The following RGS9 variants were observed in gnomAD, a reference collection of about 807,000 sequenced individuals.
The protein encoded by RGS9 is regulator of G protein signaling 9.
Under a neutral mutation model 102.0 loss-of-function variants are expected in RGS9, and 78 were observed. The observed-to-expected ratio is 0.76, with a 90% confidence interval of 0.64 to 0.92. RGS9 has a LOEUF of 0.92. RGS9 is among the 40% of genes least tolerant of loss of function. The pLI, the probability that RGS9 is intolerant of heterozygous loss-of-function variation, is 0.00. For synonymous variants in RGS9, 353 were observed against 318.6 expected (o/e 1.11, Z -1.15); for missense variants, 833 against 866.1 (o/e 0.96, Z 0.48).
In RGS9 at chr17:65,190,212, T is replaced by A; in HGVS notation, c.722T>A (p.Val241Glu). 1 of 1,613,824 alleles carries A rather than the reference T, an allele frequency of 6.2e-7. No homozygotes were observed. The highest frequency in any genetic ancestry group is 8.5e-7 in the Non-Finnish European group (1 of 1,179,666). The change falls in exon 11 of 19, where the codon GTG becomes GAG. Residue 241 changes from valine (V) to glutamate (E), a missense_variant. Val to Glu is a moderately radical substitution (Grantham distance 121). This residue lies in a region of RGS9 where 328 missense variants were observed against 340.6 expected (regional missense o/e 0.96). Transcript: ENST00000262406. The stretch of plus-strand genomic sequence containing the variant: ...CAACAGGCCTTGATGAGGTCCACAG[T>A]GAAGTCTTCTGTGTCCCTGGGAGGG... ...YYQQALMRST[V>E]KSSVSLGGIV...
chr17:65,190,140 G>A (rs1389428407), intron 10 of RGS9, 35 bp from the exon 11 acceptor site: 3 of 1,540,230 alleles, frequency 1.9e-6, no homozygotes, highest in Non-Finnish European at 2.7e-6. Context: ...GGTGGGAGGG[G>A]GTTGAATACC....
intron 2 of RGS9, among the ~76,000 whole-genome samples, chr17:65,157,909 GTGTGTGTGTA>G (rs1910826733): frequency 6.6e-6 from 1 of 151,916 alleles, no homozygotes; most frequent in African/African-American, 2.4e-5. Context: ...GGTCTGTTTT[GTGTGTGTGTA>G]TGTGTGTGTG....
intron 1 of RGS9, among the ~76,000 whole-genome samples, chr17:65,141,120 T>A (rs762042556): frequency 3.3e-5 from 5 of 152,244 alleles, no homozygotes; most frequent in Non-Finnish European, 5.9e-5. Flanking sequence ...TGGGTCGGGA[T>A]GCCCGCCGGC....
chr17:65,210,221 G>A (rs1598618412), intron 16 of RGS9, among the ~76,000 whole-genome samples: 1 of 152,202 alleles, frequency 6.6e-6, no homozygotes, highest in Non-Finnish European at 1.5e-5. Flanking sequence ...TCTACATACT[G>A]TAGAAGTTCA....
intron 13 of RGS9, among the ~76,000 whole-genome samples, chr17:65,200,228 C>T (rs541203894): frequency 2.0e-5 from 3 of 152,202 alleles, no homozygotes; most frequent in East Asian, 3.9e-4. Context: ...GACAGGGTTT[C>T]ACCATGTTTG....
chr17:65,190,195 C>CA lies in RGS9; in HGVS notation c.705_706insA (p.Leu236IlefsTer20), dbSNP rs760659405. The CA allele has an allele frequency of 6.2e-7, 1 of 1,613,612 alleles. No individual in the cohort carries two copies. Among genetic ancestry groups the CA allele is most frequent in the Non-Finnish European group, 8.5e-7 (1 of 1,179,662 alleles). ...TCCAGATCATGTATTACCAACAGGC[C>CA]TTGATGAGGTCCACAGTGAAGTCTT... On this transcript the variant is annotated frameshift_variant, in exon 11 of 19. Coordinates refer to ENST00000262406, the MANE Select transcript of RGS9 (RefSeq NM_003835.4). LOFTEE classifies it high-confidence loss of function.
intron 9 of RGS9, among the ~76,000 whole-genome samples, chr17:65,180,526 T>C (rs1288437941): frequency 1.3e-5 from 2 of 152,152 alleles, no homozygotes; most frequent in Admixed American, 6.5e-5. Flanking sequence ...TTTTTCATAT[T>C]TTTAGTACAG....
intron 1 of RGS9, among the ~76,000 whole-genome samples, chr17:65,151,550 T>C (rs911982047): frequency 1.3e-5 from 2 of 152,196 alleles, no homozygotes; most frequent in African/African-American, 2.4e-5. Context: ...ATGGCTCTAA[T>C]TCATATCTCT....
At chr17:65,146,520 G>A (rs569092055) in intron 1 of RGS9, among the ~76,000 whole-genome samples, 20 of 151,202 alleles carry the variant, frequency 1.3e-4, no homozygotes, top group Admixed American at 9.9e-4. Flanking sequence ...CCTGGGAGGC[G>A]GAGGTTGCAA....
intron 13 of RGS9, among the ~76,000 whole-genome samples, chr17:65,200,446 G>A (rs750944419): frequency 1.3e-5 from 2 of 152,146 alleles, no homozygotes; most frequent in Non-Finnish European, 2.9e-5. Flanking sequence ...TGGCTATCAC[G>A]AATAATTGCT....
At chr17:65,146,325 C>T (rs143471159) in intron 1 of RGS9, among the ~76,000 whole-genome samples, 2,028 of 152,302 alleles carry the variant, frequency 0.013, 49 homozygotes, top group African/African-American at 0.046. Context: ...CGTGGTGGCT[C>T]ACGCCTGTAA....
chr17:65,168,572 G>A (rs1911289555), intron 8 of RGS9, among the ~76,000 whole-genome samples: 1 of 127,716 alleles, frequency 7.8e-6, no homozygotes, highest in Admixed American at 8.9e-5. Context: ...TTTTTTGCTA[G>A]GATATCATAC....
At chr17:65,207,898 CTGT>C (rs775686354) in intron 15 of RGS9, 21 bp from the exon 16 acceptor site, 130 of 1,541,674 alleles carry the variant, frequency 8.4e-5, no homozygotes, top group Non-Finnish European at 1.1e-4. Context: ...CTCATAATTA[CTGT>C]TGTTTTCTTG....
At position 65,225,281 on chromosome 17, in the gene RGS9, A is replaced by T; in HGVS notation, c.1687A>T (p.Thr563Ser). 1 of 1,606,220 alleles carries T rather than the reference A, an allele frequency of 6.2e-7. No individual in the cohort carries two copies. Among genetic ancestry groups the T allele is most frequent in the African/African-American group, 1.4e-5 (1 of 73,840 alleles). The change falls in exon 18 of 19, where the codon ACC becomes TCC. Residue 563 changes from threonine (T) to serine (S), a missense_variant. Physicochemically the swap from Thr to Ser is moderately conservative, Grantham distance 58. Around this residue, in one of 3 missense-constraint regions of RGS9, gnomAD observed 320 missense variants for 276.8 expected, o/e 1.16. Coordinates refer to ENST00000262406, the MANE Select transcript of RGS9 (RefSeq NM_003835.4). ...CGAGAGCAGCGAGGCCTCCCTCGAC[A>T]CCTCCTGGCCTCGCAGCCGGCCCAG... Reference protein sequence around the residue: ...VTESSEASLDTSWPRSRPRAP... With the variant: ...VTESSEASLDSSWPRSRPRAP...
intron 13 of RGS9, among the ~76,000 whole-genome samples, chr17:65,201,386 C>G (rs9890087): frequency 0.2 from 30,252 of 152,136 alleles, 5,050 homozygotes; most frequent in African/African-American, 0.43. Flanking sequence ...CTTGAACAGC[C>G]TCTCTGTAAG....
At chr17:65,190,489 A>G (rs1449372570) in intron 11 of RGS9, among the ~76,000 whole-genome samples, 2 of 152,154 alleles carry the variant, frequency 1.3e-5, no homozygotes, top group African/African-American at 4.8e-5. Flanking sequence ...GGAATCCACT[A>G]ATGTGTGGAT....
intron 2 of RGS9, among the ~76,000 whole-genome samples, chr17:65,154,284 G>T (rs1910689928): frequency 6.6e-6 from 1 of 152,190 alleles, no homozygotes; most frequent in Admixed American, 6.5e-5. Flanking sequence ...TCCAGCCTGG[G>T]TGACAGAACA....
intron 11 of RGS9, among the ~76,000 whole-genome samples, chr17:65,191,813 G>A (rs1598603120): frequency 1.3e-5 from 2 of 152,164 alleles, no homozygotes. Flanking sequence ...TAAGCCAGGG[G>A]GCTTGAGTTC....
At chr17:65,202,957 A>G (rs991052842) in intron 14 of RGS9, among the ~76,000 whole-genome samples, 1 of 152,188 alleles carries the variant, frequency 6.6e-6, no homozygotes. Flanking sequence ...TCATACTCAC[A>G]TGCTTAGCCG....
Sources: allele counts gnomAD v4.1 joint callset (sites outside exome capture counted in the v4.1 genomes callset), GRCh38; gene constraint gnomAD v4.1.1; regional missense constraint gnomAD v4.1.1; transcripts MANE v1.5; gene names NCBI Gene and HGNC (gene_info 2026-07-23, HGNC 2026-07-21).